Variants in EVL observed in about 807,000 individuals in gnomAD.
The protein encoded by EVL is Enah/Vasp-like, also known as ena/VASP-like protein.
EVL carries 21 observed loss-of-function variants against 59.6 expected under a neutral mutation model. The observed-to-expected ratio is 0.35, with a 90% CI of 0.25 to 0.51. EVL has a LOEUF of 0.51. Ranked by LOEUF, EVL falls within the 20% of genes least tolerant of loss-of-function variation. The pLI is 0.97. For missense variants in EVL, 462 were observed against 546.6 expected, an observed-to-expected ratio of 0.85 and a Z score of 1.54; for synonymous variants, 198 against 203.5, an observed-to-expected ratio of 0.97 and a Z score of 0.23.
rs375056923 is a variant in EVL, at chr14:100,080,636, G to A, written c.12-4051G>A. ...ATATGGGCCCCACAAATACATGTAC[G>A]AAGGCCCAAAATGACAGGGGAATTG... is the stretch of plus-strand genomic sequence containing the variant. On this transcript the variant is annotated intron_variant, in intron 1 of 13. Coordinates refer to ENST00000392920, the MANE Select transcript of EVL (RefSeq NM_016337.3). 8.5e-4 allele frequency among the ~76,000 whole-genome samples: 129 copies of A among 152,344 alleles called. 1 individual carries two copies. In the South Asian group the frequency reaches 0.023, roughly 28 times the overall value.
intron 7 of EVL, among the ~76,000 whole-genome samples, chr14:100,132,481 T>C (rs1437686078): frequency 6.6e-6 from 1 of 152,098 alleles, no homozygotes; most frequent in African/African-American, 2.4e-5. Flanking sequence ...CATCTCGCCC[T>C]CTCTGCCTAG....
At chr14:100,081,216 G>A (rs1248524370) in intron 1 of EVL, among the ~76,000 whole-genome samples, 2 of 152,188 alleles carry the variant, frequency 1.3e-5, no homozygotes, top group East Asian at 3.8e-4. Context: ...ATGATACAGA[G>A]TTTGAGTATT....
chr14:100,116,709 C>T (rs748756080), intron 3 of EVL, among the ~76,000 whole-genome samples: 4 of 152,218 alleles, frequency 2.6e-5, no homozygotes, highest in Non-Finnish European at 5.9e-5. Context: ...TCCGTAGGGT[C>T]TCTTAGACAT....
chr14:100,003,638 A>G (rs111580976), intron 1 of EVL, among the ~76,000 whole-genome samples: 3,151 of 152,156 alleles, frequency 0.021, 103 homozygotes, highest in African/African-American at 0.073. Flanking sequence ...GCTGGTCTCA[A>G]ACTCCTGACC....
At chr14:100,074,456 G>A (rs572756253) in intron 1 of EVL, 1 of 152,276 alleles carries the variant, frequency 6.6e-6, no homozygotes, top group Admixed American at 6.5e-5. Context: ...TTGATCTCCA[G>A]CAAAGGTAAA....
chr14:100,085,146 G>A, intron 2 of EVL: 1 of 262,678 alleles, frequency 3.8e-6, no homozygotes, highest in Non-Finnish European at 7.1e-6. Context: ...ATGTGGGAAA[G>A]CTTTGAAAAA....
rs1458053314 is a variant in EVL at position 99,978,389 on chromosome 14, G to A, written c.5+6332G>A. Among the ~76,000 whole-genome samples the A allele has an allele frequency of 3.3e-5, 5 of 150,598 alleles. No individual in the cohort carries two copies. The South Asian group carries it at 8.3e-4, about 25-fold the overall frequency. The stretch of plus-strand genomic sequence containing the variant: ...TGCACTCCAGCCTGGGCGACAGAGC[G>A]AGACTCTGTCTCAAAAAAAAAAAAA... On this transcript the variant is annotated intron_variant, in intron 1 of 13. Coordinates refer to the EVL transcript ENST00000402714.
At chr14:100,013,846 A>G (rs1321811458) in intron 1 of EVL, among the ~76,000 whole-genome samples, 5 of 152,238 alleles carry the variant, frequency 3.3e-5, no homozygotes, top group Non-Finnish European at 7.3e-5. Flanking sequence ...GGCTGAGACT[A>G]TTATGCAGAC....
chr14:100,068,153 G>A (rs368255974), intron 1 of EVL, among the ~76,000 whole-genome samples: 3 of 152,138 alleles, frequency 2.0e-5, no homozygotes, highest in Non-Finnish European at 2.9e-5. Context: ...ACTGGGCCAC[G>A]CCTTAGGGGA....
chr14:100,023,393 T>C (rs951354244), intron 1 of EVL, among the ~76,000 whole-genome samples: 6 of 148,552 alleles, frequency 4.0e-5, no homozygotes, highest in East Asian at 2.0e-4. Context: ...TTTTTTTTTT[T>C]TTTGAGATGG....
At chr14:100,044,146 C>G (rs1209612499) in intron 1 of EVL, among the ~76,000 whole-genome samples, 1 of 152,156 alleles carries the variant, frequency 6.6e-6, no homozygotes, top group Non-Finnish European at 1.5e-5. Flanking sequence ...AATTATCGAT[C>G]ACATCCTCTT....
At chr14:100,051,782 T>A (rs1316007894) in intron 1 of EVL, among the ~76,000 whole-genome samples, 1 of 152,194 alleles carries the variant, frequency 6.6e-6, no homozygotes, top group Non-Finnish European at 1.5e-5. Context: ...GGGAGCCAGT[T>A]CCCTGGTTTC....
At chr14:100,050,835 C>T (rs1057426111) in intron 1 of EVL, among the ~76,000 whole-genome samples, 7 of 150,708 alleles carry the variant, frequency 4.6e-5, no homozygotes, top group South Asian at 2.1e-4. Flanking sequence ...TTCAACCTCC[C>T]AGGCTCAAGC....
At chr14:100,107,954 A>C (rs992072266) in intron 3 of EVL, 1 of 152,240 alleles carries the variant, frequency 6.6e-6, no homozygotes, top group Non-Finnish European at 1.5e-5. Context: ...ATCCGGGCGA[A>C]TTAAAACACA....
chr14:100,123,929 G>A (rs535885222), intron 4 of EVL, among the ~76,000 whole-genome samples: 1 of 152,324 alleles, frequency 6.6e-6, no homozygotes, highest in Admixed American at 6.5e-5. Flanking sequence ...CTTCCCCAAC[G>A]TAGCAGGAGG....
At chr14:100,142,665 C>T (rs1015501083) in intron 13 of EVL, among the ~76,000 whole-genome samples, 1 of 152,184 alleles carries the variant, frequency 6.6e-6, no homozygotes, top group Non-Finnish European at 1.5e-5. Context: ...CCTCCTCCCC[C>T]AGCCGGCCCA....
At chr14:100,129,817 GTTAC>G in intron 7 of EVL, 133 bp downstream of exon 7, 2 of 1,314,144 alleles carry the variant, frequency 1.5e-6, no homozygotes, top group Non-Finnish European at 2.0e-6. Flanking sequence ...AGGGGAAACT[GTTAC>G]TTAAGTTTTC....
intron 3 of EVL, among the ~76,000 whole-genome samples, chr14:100,116,951 A>C (rs1428851932): frequency 6.6e-6 from 1 of 152,208 alleles, no homozygotes; most frequent in Non-Finnish European, 1.5e-5. Flanking sequence ...GCTCCAGCAC[A>C]GTTCACTCTG....
intron 1 of EVL, among the ~76,000 whole-genome samples, chr14:100,013,111 A>G (rs965778992): frequency 1.4e-5 from 2 of 146,894 alleles, no homozygotes; most frequent in Admixed American, 6.8e-5. Flanking sequence ...ATCCCCAGGG[A>G]CTGTCTTTGA....
Sources: gnomAD v4.1 joint callset for allele counts (sites outside exome capture counted in the v4.1 genomes callset) on GRCh38, gnomAD v4.1.1 for gene constraint, MANE v1.5 for transcripts, NCBI Gene and HGNC (gene_info 2026-07-23, HGNC 2026-07-21) for gene names.